OSBPL8: variants seen among roughly 807,000 people sequenced by gnomAD.
OSBPL8 encodes the protein oxysterol-binding protein-related protein 8.
In OSBPL8, 59 loss-of-function variants were observed where a neutral mutation model predicts 125.5. That is an observed-to-expected ratio of 0.47 (90% CI 0.38 to 0.58). The LOEUF is 0.58. Ranked by LOEUF, OSBPL8 falls within the 20% of genes least tolerant of loss-of-function variation. OSBPL8 has a pLI of 0.00. For missense variants in OSBPL8, 758 were observed against 1,047.8 expected (o/e 0.72, Z 3.82); for synonymous variants, 330 against 338.9 (o/e 0.97, Z 0.29).
chr12:76,474,984 CTCTT>C (rs1356550946), intron 2 of OSBPL8, among the ~76,000 whole-genome samples: 1 of 152,130 alleles, frequency 6.6e-6, no homozygotes, highest in East Asian at 1.9e-4. Context: ...GGATAAAAAT[CTCTT>C]TATTGTTCTA....
At chr12:76,422,208 C>G (rs983721840) in intron 4 of OSBPL8, among the ~76,000 whole-genome samples, 4 of 152,146 alleles carry the variant, frequency 2.6e-5, no homozygotes, top group Admixed American at 2.6e-4. Context: ...GTGTTTATCT[C>G]AAGTCTAGAA....
At chr12:76,366,088 T>C (rs186533123) in intron 21 of OSBPL8, among the ~76,000 whole-genome samples, 1 of 152,214 alleles carries the variant, frequency 6.6e-6, no homozygotes, top group Non-Finnish European at 1.5e-5. Context: ...ATTAGGGTAA[T>C]GTTAGCCTCA....
intron 2 of OSBPL8, 90 bp downstream of exon 2, chr12:76,487,420 G>T: frequency 1.0e-6 from 1 of 1,003,892 alleles, no homozygotes; most frequent in Non-Finnish European, 1.4e-6. Context: ...AAAGTTTGTT[G>T]TTAATATATT....
In OSBPL8 at chr12:76,354,651, C is replaced by T. The variant is rs978458337; in HGVS notation, c.*1238G>A. 6 of 151,732 alleles carry T rather than the reference C, an allele frequency of 4.0e-5. No individual in the cohort carries two copies. The highest frequency in any genetic ancestry group is 7.4e-5 in the Non-Finnish European group (5 of 67,792). 9.4% of individuals were successfully genotyped at this position (151,732 alleles called of 1,614,324 possible). On this transcript the variant is annotated 3_prime_UTR_variant, in exon 24 of 24. Coordinates refer to ENST00000261183, the MANE Select transcript of OSBPL8 (RefSeq NM_020841.5). ...TGCTTTCAAGGAATATAAATATTTA[C>T]GTAAAAACACAAAATCAAAATATTA...
intron 1 of OSBPL8, among the ~76,000 whole-genome samples, chr12:76,524,833 A>G (rs1456015073): frequency 6.6e-6 from 1 of 152,036 alleles, no homozygotes; most frequent in African/African-American, 2.4e-5. Flanking sequence ...ACAGGTGCAC[A>G]GTACCACGCC....
At chr12:76,404,324 T>C (rs1220987771) in intron 5 of OSBPL8, among the ~76,000 whole-genome samples, 1 of 152,214 alleles carries the variant, frequency 6.6e-6, no homozygotes, top group Non-Finnish European at 1.5e-5. Flanking sequence ...GGACAATGTT[T>C]ATAGTAGTGT....
chr12:76,488,793 C>T (rs1878423786), intron 1 of OSBPL8, among the ~76,000 whole-genome samples: 1 of 152,120 alleles, frequency 6.6e-6, no homozygotes, highest in African/African-American at 2.4e-5. Flanking sequence ...ATTAATAACA[C>T]TACAAAGGCC....
chr12:76,356,879 C>A (rs1465437966), intron 22 of OSBPL8, 151 bp from the exon 23 acceptor site: 1 of 547,244 alleles, frequency 1.8e-6, no homozygotes, highest in East Asian at 3.0e-5. Context: ...TTTGAAGTTT[C>A]AAACACATCA....
At chr12:76,428,803 A>G (rs1870467549) in intron 4 of OSBPL8, among the ~76,000 whole-genome samples, 1 of 152,182 alleles carries the variant, frequency 6.6e-6, no homozygotes, top group Admixed American at 6.5e-5. Flanking sequence ...TAGTTGACAC[A>G]TTAGAGCAGC....
At position 76,490,587 on chromosome 12, in the gene OSBPL8, G is replaced by T. The variant is rs572714382; in HGVS notation, c.-67-2969C>A. On this transcript the variant is annotated intron_variant, in intron 1 of 23. Transcript: ENST00000261183. ...CATCCCCTTTTCAGCTCCCCTTCTG[G>T]TTAAGAGCCACTTTCATGGCAATAA... Among the ~76,000 whole-genome samples the T allele has an allele frequency of 2.0e-5, 3 of 152,294 alleles. No individual in the cohort carries two copies. In the East Asian group the frequency reaches 5.8e-4, roughly 29 times the overall value.
rs554584709 is a variant in OSBPL8 at position 76,380,141 on chromosome 12, AGCCAACTT to A, written c.1631-1599_1631-1592del. 9.8e-5 allele frequency among the ~76,000 whole-genome samples: 15 copies of A among 152,288 alleles called. No individual in the cohort carries two copies. The South Asian group carries it at 3.1e-3, about 32-fold the overall frequency. On this transcript the variant is annotated intron_variant, in intron 15 of 23. Transcript: ENST00000261183. ...CCTTGACTTTTCAACGTAATTTGAG[AGCCAACTT>A]GCCAATATCTTCAAAAAAGCCTGCT...
At chr12:76,507,110 T>C (rs555764504) in intron 1 of OSBPL8, among the ~76,000 whole-genome samples, 3 of 151,876 alleles carry the variant, frequency 2.0e-5, no homozygotes, top group African/African-American at 7.3e-5. Context: ...ATATAATTAC[T>C]AGTTGAATTC....
intron 15 of OSBPL8, 66 bp downstream of exon 15, chr12:76,384,188 A>G: frequency 1.1e-6 from 1 of 931,514 alleles, no homozygotes; most frequent in South Asian, 2.4e-5. Flanking sequence ...GACACTGCCT[A>G]AATAAAAGCT....
chr12:76,442,638 C>A (rs930295785), intron 4 of OSBPL8, among the ~76,000 whole-genome samples: 1 of 152,088 alleles, frequency 6.6e-6, no homozygotes, highest in African/African-American at 2.4e-5. Context: ...TAACTACAAG[C>A]CCTCTTTCAG....
chr12:76,358,512 CT>C (rs1190979258), intron 22 of OSBPL8, among the ~76,000 whole-genome samples, 193 bp downstream of exon 22: 2 of 151,980 alleles, frequency 1.3e-5, no homozygotes, highest in East Asian at 3.9e-4. Flanking sequence ...GATGTCTCCC[CT>C]TTTTCATTTT....
At position 76,356,583 on chromosome 12, in the gene OSBPL8, C is replaced by T. The variant is rs779843635; in HGVS notation, c.2537+43G>A. On this transcript the variant is annotated intron_variant, in intron 23 of 23. Coordinates refer to ENST00000261183, the MANE Select transcript of OSBPL8 (RefSeq NM_020841.5). ...TCCCATATAACAGGATTCTTAACTA[C>T]TCCTTGGTCTCAAATGAATAGTCAG... The T allele has an allele frequency of 7.2e-6, 9 of 1,243,364 alleles. No individual in the cohort carries two copies. The African/African-American group carries it at 1.2e-4, about 17-fold the overall frequency. 77.0% of individuals were successfully genotyped at this position (1,243,364 alleles called of 1,614,324 possible). A position where few individuals can be genotyped will look rare whatever the true frequency, so the allele number is the denominator to read the frequency against.
intron 5 of OSBPL8, among the ~76,000 whole-genome samples, chr12:76,404,256 G>A (rs1056009389): frequency 1.5e-4 from 23 of 152,144 alleles, no homozygotes; most frequent in Admixed American, 9.8e-4. Context: ...CATGGCTATT[G>A]TCAGAAGAAT....
At chr12:76,356,044 A>G (rs777828257) in intron 23 of OSBPL8, 23 bp from the exon 24 acceptor site, 4 of 1,593,472 alleles carry the variant, frequency 2.5e-6, no homozygotes, top group South Asian at 2.2e-5. Flanking sequence ...GCAACAACAA[A>G]TTTTGTAATG....
intron 1 of OSBPL8, among the ~76,000 whole-genome samples, chr12:76,511,231 G>C (rs573004080): frequency 1.3e-5 from 2 of 152,314 alleles, no homozygotes; most frequent in Admixed American, 6.5e-5. Context: ...TTATGGTACA[G>C]TGATTTATAT....
Sources: gnomAD v4.1 joint callset for allele counts (sites outside exome capture counted in the v4.1 genomes callset) on GRCh38, gnomAD v4.1.1 for gene constraint, MANE v1.5 for transcripts, NCBI Gene and HGNC (gene_info 2026-07-23, HGNC 2026-07-21) for gene names.